LAMA2: variants seen among roughly 807,000 people sequenced by gnomAD.
LAMA2 encodes the protein laminin subunit alpha-2.
In LAMA2, 269 loss-of-function variants were observed where a neutral mutation model predicts 364.8. The ratio of observed to expected loss-of-function variants is 0.74; its 90% confidence interval spans 0.67 to 0.82. The LOEUF (loss-of-function observed/expected upper bound fraction) is 0.82. LAMA2 is among the 40% of genes least tolerant of loss of function. The pLI is 0.00. For synonymous variants in LAMA2, 1,379 were observed against 1,370.6 expected, an observed-to-expected ratio of 1.01 and a Z score of -0.14; for missense variants, 3,807 against 3,873.2, an observed-to-expected ratio of 0.98 and a Z score of 0.45.
rs1285397165 is a variant in LAMA2 at position 129,441,072 on chromosome 6, G to C, written c.6268+74G>C. 10 of 1,331,448 alleles carry C rather than the reference G, an allele frequency of 7.5e-6. No individual in the cohort carries two copies. The South Asian group carries it at 1.1e-4, about 15-fold the overall frequency. 82.5% of individuals were successfully genotyped at this position (1,331,448 alleles called of 1,614,324 possible). A position where few individuals can be genotyped will look rare whatever the true frequency, so the allele number is the denominator to read the frequency against. On this transcript the variant is annotated intron_variant, in intron 43 of 64. Transcript: ENST00000421865. ...GTAAAAGTATCCCAGACCTGTAAAT[G>C]CTCGAGTTGGAAAGACCCTCATGGT... is the stretch of plus-strand genomic sequence containing the variant.
At chr6:128,945,592 A>C (rs1468309272) in intron 1 of LAMA2, among the ~76,000 whole-genome samples, 1 of 152,256 alleles carries the variant, frequency 6.6e-6, no homozygotes, top group Non-Finnish European at 1.5e-5. Flanking sequence ...TATAAGTTTT[A>C]ATAATGGCAT....
rs1779298227 is a variant in LAMA2 at position 129,159,003 on chromosome 6, C to T, written c.1206+4320C>T. 1.5e-5 allele frequency: 24 copies of T among 1,588,008 alleles called. No individual in the cohort carries two copies. In the South Asian group the frequency reaches 2.2e-4, roughly 15 times the overall value. On this transcript the variant is annotated intron_variant, in intron 8 of 64. Transcript: ENST00000421865. The stretch of plus-strand genomic sequence containing the variant: ...ACTCCATTTTCTGACTTTTTCTGGT[C>T]GGAGTCTGATTTCATCCCAGTGCCG...
intron 1 of LAMA2, among the ~76,000 whole-genome samples, chr6:129,005,828 A>G (rs1035947396): frequency 9.3e-5 from 14 of 150,862 alleles, no homozygotes; most frequent in Admixed American, 6.0e-4. Context: ...CTACATATAT[A>G]TTTTTTGGTT....
chr6:128,910,226 G>A (rs146688731), intron 1 of LAMA2, among the ~76,000 whole-genome samples: 19,947 of 151,614 alleles, frequency 0.13, 1,163 homozygotes, highest in African/African-American at 0.24. Context: ...ATATCCTGCA[G>A]AGTGTTTTCC....
At chr6:129,448,861 G>T (rs1328641896) in intron 45 of LAMA2, among the ~76,000 whole-genome samples, 3 of 152,108 alleles carry the variant, frequency 2.0e-5, no homozygotes, top group African/African-American at 7.2e-5. Context: ...TTGAATTTCA[G>T]AAATTTCTTT....
intron 1 of LAMA2, among the ~76,000 whole-genome samples, chr6:128,902,608 A>G (rs1777157890): frequency 6.6e-6 from 1 of 152,240 alleles, no homozygotes; most frequent in Non-Finnish European, 1.5e-5. Flanking sequence ...ATGAGCTTTC[A>G]GTCCCATTTT....
chr6:129,256,646 T>C (rs758449915), intron 14 of LAMA2, among the ~76,000 whole-genome samples: 11 of 151,452 alleles, frequency 7.3e-5, no homozygotes, highest in Non-Finnish European at 1.3e-4. Context: ...TAATACACTT[T>C]TAATAAATAG....
At chr6:128,953,077 A>G (rs1780931825) in intron 1 of LAMA2, among the ~76,000 whole-genome samples, 1 of 152,174 alleles carries the variant, frequency 6.6e-6, no homozygotes, top group Non-Finnish European at 1.5e-5. Flanking sequence ...TTGGCCTTGC[A>G]TGGGTGATGG....
intron 30 of LAMA2, among the ~76,000 whole-genome samples, chr6:129,344,488 A>G (rs1776437255): frequency 6.6e-6 from 1 of 152,238 alleles, no homozygotes; most frequent in African/African-American, 2.4e-5. Context: ...TTATGTTTCA[A>G]ATAGGTTCAG....
At chr6:128,936,218 C>G (rs1330912286) in intron 1 of LAMA2, among the ~76,000 whole-genome samples, 2 of 152,172 alleles carry the variant, frequency 1.3e-5, no homozygotes, top group African/African-American at 4.8e-5. Context: ...TTCTTTATAG[C>G]CTTGTGAAAA....
At chr6:129,353,435 T>A in intron 32 of LAMA2, 78 bp downstream of exon 32, 1 of 1,156,518 alleles carries the variant, frequency 8.6e-7, no homozygotes, top group Non-Finnish European at 1.3e-6. Context: ...AAAGAGTGAC[T>A]CTCCCCGCCC....
chr6:129,107,803 G>T (rs982085497), intron 4 of LAMA2, among the ~76,000 whole-genome samples: 2 of 152,240 alleles, frequency 1.3e-5, no homozygotes, highest in East Asian at 3.9e-4. Context: ...TTTTGGAGCT[G>T]TGATTTGAAT....
intron 1 of LAMA2, among the ~76,000 whole-genome samples, chr6:128,916,243 AT>A (rs1294526537): frequency 1.3e-5 from 2 of 152,174 alleles, no homozygotes; most frequent in Non-Finnish European, 2.9e-5. Context: ...CAAAAAAACT[AT>A]TTGGCAAATT....
intron 1 of LAMA2, among the ~76,000 whole-genome samples, chr6:128,955,516 A>G (rs1287572549): frequency 1.3e-5 from 2 of 151,982 alleles, no homozygotes; most frequent in African/African-American, 4.8e-5. Context: ...AAGGCAAAAT[A>G]TGTAAAAGAA....
chr6:129,514,629 GCT>G (rs779555327), intron 64 of LAMA2, 34 bp downstream of exon 64: 2 of 1,504,244 alleles, frequency 1.3e-6, no homozygotes, highest in East Asian at 2.3e-5. Context: ...CAATTTCTTT[GCT>G]CTCTTATGTT....
intron 29 of LAMA2, among the ~76,000 whole-genome samples, chr6:129,331,181 C>T (rs182889357): frequency 6.6e-6 from 1 of 152,280 alleles, no homozygotes; most frequent in East Asian, 1.9e-4. Flanking sequence ...CGGCCACCTG[C>T]ACCTTCTAAG....
chr6:129,375,314 T>A (rs188432402), intron 34 of LAMA2, among the ~76,000 whole-genome samples: 1 of 152,182 alleles, frequency 6.6e-6, no homozygotes, highest in African/African-American at 2.4e-5. Context: ...AATATTAAGA[T>A]GCTTTTTGAT....
chr6:129,173,869 T>C (rs1420601844), intron 9 of LAMA2, among the ~76,000 whole-genome samples: 2 of 152,174 alleles, frequency 1.3e-5, no homozygotes, highest in Non-Finnish European at 2.9e-5. Context: ...TCTCTGATTT[T>C]TCTTTTAGTT....
At chr6:129,366,453 C>T in intron 33 of LAMA2, 92 bp downstream of exon 33, 1 of 1,403,498 alleles carries the variant, frequency 7.1e-7, no homozygotes, top group Non-Finnish European at 9.9e-7. Context: ...GTTCTTCCCA[C>T]AGCCCCAAAT....
Sources: gnomAD v4.1 joint callset for allele counts (sites outside exome capture counted in the v4.1 genomes callset) on GRCh38, gnomAD v4.1.1 for gene constraint, MANE v1.5 for transcripts, NCBI Gene and HGNC (gene_info 2026-07-23, HGNC 2026-07-21) for gene names.